The following GMDS variants were observed in gnomAD, a reference collection of about 807,000 sequenced individuals.
GMDS encodes GDP-mannose 4,6 dehydratase.
In GMDS, 20 loss-of-function variants were observed where a neutral mutation model predicts 49.9. The ratio of observed to expected loss-of-function variants is 0.40; its 90% CI spans 0.28 to 0.58. The LOEUF (loss-of-function observed/expected upper bound fraction) is 0.58, where lower values mean the gene tolerates loss of function less well. Among genes scored for constraint, GMDS ranks in the 20% least tolerant of loss-of-function variants. GMDS has a pLI of 0.42. For synonymous variants in GMDS, 177 were observed against 178.6 expected, an observed-to-expected ratio of 0.99 and a Z score of 0.07; for missense variants, 362 against 481.4, an observed-to-expected ratio of 0.75 and a Z score of 2.32.
intron 4 of GMDS, among the ~76,000 whole-genome samples, chr6:2,046,618 C>G (rs376770063): frequency 1.3e-5 from 2 of 152,160 alleles, no homozygotes; most frequent in Non-Finnish European, 1.5e-5. Context: ...TGCCACTACC[C>G]CCGGTTAATT....
Position 2,159,583 on chromosome 6 carries a change from A to C in GMDS, c.103-34852T>G, listed in dbSNP as rs531212977. 2.2e-4 allele frequency among the ~76,000 whole-genome samples: 29 copies of C among 128,982 alleles called. No homozygotes were observed. In the East Asian group the frequency reaches 2.5e-3, roughly 11 times the overall value. The allele number at this position is 128,982 out of a possible 152,430, so 84.6% of individuals were successfully genotyped here. A position where few individuals can be genotyped will look rare whatever the true frequency, so the allele number is the denominator to read the frequency against. On this transcript the variant is annotated intron_variant, in intron 1 of 10. Coordinates refer to ENST00000380815, the MANE Select transcript of GMDS (RefSeq NM_001500.4). ...GGCCAGGCTGGAGTGCAGTGGCATGATCTCGGCTCACTGTAACCTCCATCT... is the reference window on the plus strand; with the variant it reads ...GGCCAGGCTGGAGTGCAGTGGCATGCTCTCGGCTCACTGTAACCTCCATCT...
chr6:2,229,122 C>A (rs1171413527), intron 1 of GMDS, among the ~76,000 whole-genome samples: 1 of 152,224 alleles, frequency 6.6e-6, no homozygotes, highest in Non-Finnish European at 1.5e-5. Context: ...CAGCCAATCA[C>A]TGTCCAGAGG....
At chr6:1,702,887 T>C (rs1398428808) in intron 9 of GMDS, among the ~76,000 whole-genome samples, 2 of 152,126 alleles carry the variant, frequency 1.3e-5, no homozygotes, top group Admixed American at 1.3e-4. Flanking sequence ...ACCCCAACCC[T>C]CGCTAAGAGG....
chr6:1,652,452 T>A (rs1390715122), intron 9 of GMDS, among the ~76,000 whole-genome samples: 5 of 9,160 alleles, frequency 5.5e-4, no homozygotes, highest in African/African-American at 7.9e-4. Flanking sequence ...ATTTATATAT[T>A]ATTTATATAT....
intron 7 of GMDS, among the ~76,000 whole-genome samples, chr6:1,758,299 T>A (rs750919706): frequency 1.3e-5 from 2 of 152,186 alleles, no homozygotes; most frequent in Non-Finnish European, 2.9e-5. Flanking sequence ...AGTGATTTCA[T>A]CAGCGATGAC....
At chr6:2,051,055 T>C (rs1039515363) in intron 4 of GMDS, among the ~76,000 whole-genome samples, 1 of 151,982 alleles carries the variant, frequency 6.6e-6, no homozygotes, top group African/African-American at 2.4e-5. Context: ...CATGTATACC[T>C]AGGTAACAAA....
At chr6:1,805,303 T>C (rs1208441670) in intron 7 of GMDS, among the ~76,000 whole-genome samples, 3 of 152,244 alleles carry the variant, frequency 2.0e-5, no homozygotes, top group East Asian at 1.9e-4. Context: ...GTTTCTTTTC[T>C]GACCAGGAGG....
intron 4 of GMDS, among the ~76,000 whole-genome samples, chr6:2,044,234 A>T (rs1769858686): frequency 6.6e-6 from 1 of 152,360 alleles, no homozygotes; most frequent in South Asian, 2.1e-4. Flanking sequence ...AGAAATGTAA[A>T]TAACTCTATC....
At chr6:2,044,992 T>A (rs2127431325) in intron 4 of GMDS, among the ~76,000 whole-genome samples, 1 of 152,270 alleles carries the variant, frequency 6.6e-6, no homozygotes, top group South Asian at 2.1e-4. Flanking sequence ...ACAAAAATCA[T>A]CCATTCACTA....
chr6:1,655,310 C>T (rs1178654166), intron 9 of GMDS, among the ~76,000 whole-genome samples: 1 of 152,076 alleles, frequency 6.6e-6, no homozygotes, highest in Non-Finnish European at 1.5e-5. Flanking sequence ...AAATAATGTG[C>T]AGGGATGAAT....
At chr6:1,875,377 A>C (rs1434934748) in intron 7 of GMDS, among the ~76,000 whole-genome samples, 3 of 151,642 alleles carry the variant, frequency 2.0e-5, no homozygotes, top group Non-Finnish European at 2.9e-5. Flanking sequence ...GTATCAACAA[A>C]CTCTCTGAAT....
At chr6:1,917,757 C>T (rs956514034) in intron 7 of GMDS, among the ~76,000 whole-genome samples, 1 of 152,160 alleles carries the variant, frequency 6.6e-6, no homozygotes, top group Non-Finnish European at 1.5e-5. Flanking sequence ...CAGAATGCCC[C>T]GAGAGGCAGG....
intron 7 of GMDS, among the ~76,000 whole-genome samples, chr6:1,817,910 T>G (rs898537378): frequency 3.3e-5 from 5 of 152,228 alleles, no homozygotes; most frequent in African/African-American, 1.2e-4. Context: ...TTCTTTCTTT[T>G]TTTAATGGAG....
At chr6:2,078,081 G>T (rs1360380846) in intron 4 of GMDS, among the ~76,000 whole-genome samples, 1 of 152,006 alleles carries the variant, frequency 6.6e-6, no homozygotes, top group Non-Finnish European at 1.5e-5. Context: ...AGCTGTTCAT[G>T]ATAGTCTCTG....
chr6:1,943,019 G>C lies in GMDS; in HGVS notation c.644-12789C>G, dbSNP rs75496372. The stretch of plus-strand genomic sequence containing the variant: ...AAACTCATGACTTCCAAATGCAAAT[G>C]CAACCACAAGCCTCTTTCTTCAATG... On this transcript the variant is annotated intron_variant, in intron 6 of 10. Transcript: ENST00000380815. Among the ~76,000 whole-genome samples the C allele has an allele frequency of 3.2e-3, 481 of 152,274 alleles. 4 individuals are homozygous for C. The highest frequency in any genetic ancestry group is 6.1e-3 in the Non-Finnish European group (418 of 68,024).
chr6:2,223,900 A>G (rs1021199714), intron 1 of GMDS, among the ~76,000 whole-genome samples: 4 of 152,200 alleles, frequency 2.6e-5, no homozygotes, highest in African/African-American at 9.7e-5. Flanking sequence ...GTAGACATAG[A>G]AAGTGAACAA....
intron 7 of GMDS, among the ~76,000 whole-genome samples, chr6:1,876,999 A>G (rs1477638219): frequency 2.6e-5 from 4 of 152,200 alleles, no homozygotes; most frequent in African/African-American, 4.8e-5. Context: ...GTGCTCTCAG[A>G]AGTTCTGGCT....
chr6:1,711,676 G>T (rs1477238374), intron 9 of GMDS, among the ~76,000 whole-genome samples: 1 of 152,186 alleles, frequency 6.6e-6, no homozygotes, highest in East Asian at 1.9e-4. Context: ...CATCCACCTT[G>T]CTTATCTCTG....
At chr6:1,746,181 A>G (rs6933551) in intron 7 of GMDS, among the ~76,000 whole-genome samples, 64,590 of 151,728 alleles carry the variant, frequency 0.43, 14,357 homozygotes, top group East Asian at 0.65. Flanking sequence ...GCTTCTGACT[A>G]GAGAAACAGT....
Sources: gnomAD v4.1 joint callset for allele counts (sites outside exome capture counted in the v4.1 genomes callset) on GRCh38, gnomAD v4.1.1 for gene constraint, MANE v1.5 for transcripts, NCBI Gene and HGNC (gene_info 2026-07-23, HGNC 2026-07-21) for gene names.